Variants in CTPS2 observed in about 807,000 individuals in gnomAD.
The protein encoded by CTPS2 is CTP synthase 2.
A neutral mutation model predicts 46.8 loss-of-function variants in CTPS2; 19 were observed. The observed-to-expected ratio is 0.41, with a 90% CI of 0.28 to 0.60. The LOEUF is 0.60. Among genes scored for constraint, CTPS2 ranks in the 20% least tolerant of loss-of-function variants. The pLI is 0.35. For synonymous variants in CTPS2, 151 were observed against 165.2 expected (o/e 0.91, Z 0.66); for missense variants, 286 against 447.6 (o/e 0.64, Z 3.26).
At chrX:16,611,104 G>A (rs1930234144) in intron 16 of CTPS2, among the ~76,000 whole-genome samples, 1 of 111,487 alleles carries the variant, frequency 9.0e-6, no homozygotes, top group South Asian at 3.8e-4. Flanking sequence ...CAGTACTTGG[G>A]TGATGGGATC....
intron 18 of CTPS2, 80 bp downstream of exon 18, chrX:16,590,672 G>T: frequency 2.0e-6 from 1 of 512,217 alleles, no homozygotes; most frequent in Non-Finnish European, 3.3e-6. Context: ...TGTGAGGCGA[G>T]TCCTATAATA....
intron 14 of CTPS2, among the ~76,000 whole-genome samples, chrX:16,633,627 T>C (rs980097930): frequency 2.7e-5 from 3 of 111,922 alleles, no homozygotes; most frequent in African/African-American, 9.7e-5. Context: ...TACCAACCCA[T>C]AGTTAAGTCC....
At chrX:16,598,766 T>C (rs753653967) in intron 17 of CTPS2, among the ~76,000 whole-genome samples, 104 of 111,139 alleles carry the variant, frequency 9.4e-4, no homozygotes, top group African/African-American at 3.1e-3. Context: ...AAAAGAGAAT[T>C]TTAGACCAAT....
At chrX:16,666,438 G>C (rs1378040761) in intron 13 of CTPS2, among the ~76,000 whole-genome samples, 1 of 111,655 alleles carries the variant, frequency 9.0e-6, no homozygotes, top group African/African-American at 3.3e-5. Flanking sequence ...CAGGTATAGG[G>C]AACCTCAGGC....
chrX:16,709,863 A>C (rs957706532), intron 1 of CTPS2, among the ~76,000 whole-genome samples: 1 of 107,867 alleles, frequency 9.3e-6, no homozygotes. Context: ...AAAAAAAAAA[A>C]AAAAAAAAAA....
chrX:16,700,170 G>A (rs953566337), intron 2 of CTPS2, among the ~76,000 whole-genome samples: 1 of 107,315 alleles, frequency 9.3e-6, no homozygotes, highest in African/African-American at 3.4e-5. Flanking sequence ...AGGCTGGAGT[G>A]CAGTGGTGCG....
intron 8 of CTPS2, among the ~76,000 whole-genome samples, chrX:16,683,761 T>C (rs752029749): frequency 2.0e-4 from 23 of 112,258 alleles, no homozygotes; most frequent in African/African-American, 7.1e-4. Flanking sequence ...AAGGTGACAT[T>C]GTATAAAAAA....
intron 6 of CTPS2, among the ~76,000 whole-genome samples, chrX:16,692,277 T>TAA (rs1353034841): frequency 1.9e-5 from 2 of 106,133 alleles, no homozygotes; most frequent in African/African-American, 7.2e-5. Context: ...ACCCTGTCTC[T>TAA]ACAAACACAC....
chrX:16,688,665 G>C (rs763868616), intron 8 of CTPS2, among the ~76,000 whole-genome samples: 1 of 111,202 alleles, frequency 9.0e-6, no homozygotes, highest in Non-Finnish European at 1.9e-5. Context: ...TAATTATGCT[G>C]AACAGTTAAT....
Position 16,590,742 on chromosome X carries a change from T to C in CTPS2, c.*41+10A>G. On this transcript the variant is annotated intron_variant, in intron 18 of 18. Coordinates refer to ENST00000359276, the MANE Select transcript of CTPS2 (RefSeq NM_175859.3). ...AGAGAAATGAACAATCCTCGAAGAT[T>C]CCATCTTACCCTCACAGGCAGTCCC... The C allele has an allele frequency of 1.1e-6, 1 of 910,917 alleles. No homozygotes were observed. 75.1% of individuals were successfully genotyped at this position (910,917 alleles called of 1,213,427 possible). A position where few individuals can be genotyped will look rare whatever the true frequency, so the allele number is the denominator to read the frequency against.
chrX:16,685,377 C>A (rs1267019998), intron 8 of CTPS2, among the ~76,000 whole-genome samples: 2 of 111,315 alleles, frequency 1.8e-5, no homozygotes, highest in African/African-American at 6.5e-5. Context: ...CTGGGTCACA[C>A]CTACCAGGGA....
intron 8 of CTPS2, among the ~76,000 whole-genome samples, chrX:16,685,290 G>T (rs761327693): frequency 5.4e-5 from 6 of 111,555 alleles, no homozygotes; most frequent in Non-Finnish European, 1.1e-4. Flanking sequence ...AGTATCACAG[G>T]TTACTCCTAC....
chrX:16,680,205 A>T (rs1482793988), intron 9 of CTPS2, among the ~76,000 whole-genome samples: 2 of 111,608 alleles, frequency 1.8e-5, no homozygotes. Context: ...CATGTGCACC[A>T]ATTCTTATGT....
chrX:16,599,790 T>C (rs1929549193), intron 17 of CTPS2, among the ~76,000 whole-genome samples: 1 of 105,994 alleles, frequency 9.4e-6, no homozygotes, highest in Admixed American at 1.0e-4. Context: ...CCCCCTTTTT[T>C]TTTCTTTTGA....
At chrX:16,699,211 C>T in intron 2 of CTPS2, 118 bp from the exon 3 acceptor site, 1 of 457,471 alleles carries the variant, frequency 2.2e-6, no homozygotes, top group East Asian at 4.0e-5. Context: ...TATTCTATCA[C>T]CATCTCCTTT....
intron 8 of CTPS2, among the ~76,000 whole-genome samples, chrX:16,687,330 T>C (rs1923280979): frequency 9.3e-6 from 1 of 107,900 alleles, no homozygotes; most frequent in African/African-American, 3.4e-5. Context: ...CAAAAATTAG[T>C]TGGCCGTGGT....
intron 14 of CTPS2, among the ~76,000 whole-genome samples, chrX:16,636,765 A>T (rs1052638315): frequency 4.6e-5 from 5 of 109,339 alleles, no homozygotes; most frequent in Non-Finnish European, 9.5e-5. Flanking sequence ...TCTACTAAAA[A>T]TACAAAAAAA....
intron 14 of CTPS2, among the ~76,000 whole-genome samples, chrX:16,630,404 G>A (rs1039911219): frequency 9.2e-6 from 1 of 109,235 alleles, no homozygotes; most frequent in African/African-American, 3.3e-5. Context: ...ACAGGCATGT[G>A]CCACCACGCC....
intron 13 of CTPS2, among the ~76,000 whole-genome samples, chrX:16,639,842 G>GGAAAA (rs1187313693): frequency 2.0e-5 from 2 of 102,150 alleles, no homozygotes; most frequent in South Asian, 4.4e-4. Context: ...GAAAAGAAAA[G>GGAAAA]GAAAAGAAAA....
Sources: allele counts gnomAD v4.1 joint callset (sites outside exome capture counted in the v4.1 genomes callset), GRCh38; gene constraint gnomAD v4.1.1; transcripts MANE v1.5; gene names NCBI Gene and HGNC (gene_info 2026-07-23, HGNC 2026-07-21).